E2F5: variants seen among roughly 807,000 people sequenced by gnomAD.
E2F5 encodes transcription factor E2F5.
In E2F5, 23 loss-of-function variants were observed where a neutral mutation model predicts 39.1. That is an observed-to-expected ratio of 0.59 (90% CI 0.42 to 0.83). The LOEUF (loss-of-function observed/expected upper bound fraction) is 0.83, where lower values mean the gene tolerates loss of function less well. Ranked by LOEUF, E2F5 falls within the 40% of genes least tolerant of loss-of-function variation. The pLI is 0.00. For missense variants in E2F5, 365 were observed against 406.7 expected, an observed-to-expected ratio of 0.90 and a Z score of 0.88; for synonymous variants, 145 against 157.8, an observed-to-expected ratio of 0.92 and a Z score of 0.61.
intron 1 of E2F5, among the ~76,000 whole-genome samples, chr8:85,199,618 G>T (rs1812650511): frequency 6.6e-6 from 1 of 152,090 alleles, no homozygotes; most frequent in Admixed American, 6.6e-5. Flanking sequence ...AGTTTTTAAA[G>T]AATTCACACA....
intron 4 of E2F5, 123 bp downstream of exon 4, chr8:85,206,343 T>C: frequency 1.1e-6 from 1 of 918,214 alleles, no homozygotes; most frequent in Non-Finnish European, 1.7e-6. Context: ...TGTGTCTCAC[T>C]CCACCATGCC....
intron 2 of E2F5, 30 bp from the exon 3 acceptor site, chr8:85,203,064 T>G (rs1264285797): frequency 1.4e-6 from 2 of 1,406,006 alleles, no homozygotes; most frequent in Non-Finnish European, 1.9e-6. Flanking sequence ...GATCTGATAC[T>G]GAGGATATTA....
At chr8:85,188,555 G>A (rs1016491535) in intron 1 of E2F5, among the ~76,000 whole-genome samples, 1 of 152,192 alleles carries the variant, frequency 6.6e-6, no homozygotes, top group Non-Finnish European at 1.5e-5. Context: ...CAGGAGTGGT[G>A]CAATCTGAAG....
intron 3 of E2F5, among the ~76,000 whole-genome samples, chr8:85,205,937 C>T (rs1026660926): frequency 3.3e-5 from 5 of 152,186 alleles, no homozygotes; most frequent in African/African-American, 4.8e-5. Context: ...GCACTGCTTT[C>T]CATCTCTCTC....
intron 1 of E2F5, among the ~76,000 whole-genome samples, chr8:85,186,915 G>GTA (rs959437782): frequency 1.3e-5 from 2 of 148,722 alleles, no homozygotes; most frequent in Non-Finnish European, 3.0e-5. Flanking sequence ...TATATGGTGT[G>GTA]TATATATATA....
chr8:85,200,290 C>G, intron 1 of E2F5: 2 of 956,438 alleles, frequency 2.1e-6, no homozygotes, highest in Non-Finnish European at 2.5e-6. Flanking sequence ...TAAAACCCTC[C>G]TGGAGATTCT....
chr8:85,185,764 A>G (rs1454538724), intron 1 of E2F5, among the ~76,000 whole-genome samples: 3 of 152,242 alleles, frequency 2.0e-5, no homozygotes, highest in African/African-American at 7.2e-5. Context: ...AAAAATGCTC[A>G]TCGTCACTGG....
At chr8:85,190,015 T>TA (rs1386757388) in intron 1 of E2F5, among the ~76,000 whole-genome samples, 1 of 152,158 alleles carries the variant, frequency 6.6e-6, no homozygotes, top group African/African-American at 2.4e-5. Flanking sequence ...ATATACAATT[T>TA]AAGAATTTAA....
intron 1 of E2F5, among the ~76,000 whole-genome samples, chr8:85,198,641 C>T (rs1812630193): frequency 6.6e-6 from 1 of 152,180 alleles, no homozygotes; most frequent in Admixed American, 6.5e-5. Flanking sequence ...TTCCAAGACC[C>T]CACACTTTCT....
In E2F5 at chr8:85,212,175, A is replaced by G. The variant is rs1304184342; in HGVS notation, c.902A>G (p.Asp301Gly). The change falls in exon 7 of 8, where the codon GAT becomes GGT. Residue 301 changes from aspartate to glycine, a missense_variant. Coordinates refer to ENST00000416274, the MANE Select transcript of E2F5 (RefSeq NM_001951.4). The stretch of plus-strand genomic sequence containing the variant: ...TTTCCAGCAGGATCTATTAGTGGAG[A>G]TATCATTGATGAGTTAATGTCTTCT... Reference protein sequence around the residue: ...DISSAGSISGDIIDELMSSDV... With the variant: ...DISSAGSISGGIIDELMSSDV... 1.9e-6 allele frequency: 3 copies of G among 1,611,246 alleles called. No individual in the cohort carries two copies. Among genetic ancestry groups the G allele is most frequent in the Non-Finnish European group, 8.5e-7 (1 of 1,178,288 alleles).
At chr8:85,193,109 A>AT (rs1010982081) in intron 1 of E2F5, among the ~76,000 whole-genome samples, 6 of 152,080 alleles carry the variant, frequency 3.9e-5, no homozygotes, top group Non-Finnish European at 7.4e-5. Context: ...GGGTATTCTA[A>AT]TTTTTTTTAT....
chr8:85,203,120 A>G lies in E2F5; in HGVS notation c.371A>G (p.Lys124Arg). The G allele has an allele frequency of 6.4e-7, 1 of 1,569,764 alleles. No individual in the cohort carries two copies. Among genetic ancestry groups the G allele is most frequent in the Admixed American group, 1.8e-5 (1 of 54,960 alleles). Residue 124 changes from lysine to arginine, a missense_variant, in exon 3 of 8, where the codon AAA becomes AGA. By Grantham distance (26) the Lys-to-Arg change is conservative (BLOSUM62 2). Transcript: ENST00000416274. ...WKGVGAGCNT[K>R]EVIDRLRYLK... The stretch of plus-strand genomic sequence containing the variant: ...GGTGTAGGTGCTGGCTGTAATACTA[A>G]AGAAGTCATAGATAGATTAAGATAT...
At chr8:85,179,814 C>T in intron 1 of E2F5, among the ~76,000 whole-genome samples, 1 of 151,844 alleles carries the variant, frequency 6.6e-6, no homozygotes, top group South Asian at 2.1e-4. Context: ...CGCCCGCCAG[C>T]GCACCCAGCT....
chr8:85,197,407 T>C (rs1812604573), intron 1 of E2F5, among the ~76,000 whole-genome samples: 1 of 152,212 alleles, frequency 6.6e-6, no homozygotes, highest in Non-Finnish European at 1.5e-5. Context: ...TGGACTCATT[T>C]GTTCAAATGA....
chr8:85,194,190 T>A (rs1812528930), intron 1 of E2F5, among the ~76,000 whole-genome samples: 1 of 152,178 alleles, frequency 6.6e-6, no homozygotes, highest in South Asian at 2.1e-4. Flanking sequence ...TTTGACATTT[T>A]GCTGTATATG....
At chr8:85,178,315 A>G (rs1812129376) in intron 1 of E2F5, among the ~76,000 whole-genome samples, 1 of 152,094 alleles carries the variant, frequency 6.6e-6, no homozygotes, top group African/African-American at 2.4e-5. Context: ...GGTTTCCAAA[A>G]GTGAGATCTG....
At chr8:85,184,242 A>G (rs988773817) in intron 1 of E2F5, among the ~76,000 whole-genome samples, 20 of 152,214 alleles carry the variant, frequency 1.3e-4, no homozygotes, top group Non-Finnish European at 2.6e-4. Context: ...TAAATCCATC[A>G]CATAAACAGA....
chr8:85,209,418 A>C lies in E2F5; in HGVS notation c.883+9A>C. On this transcript the variant is annotated intron_variant, in intron 6 of 7. Transcript: ENST00000416274. Reference sequence around the variant, plus strand: ...TACAGATATATCTTCAGGTGGGTTCAGAGCCTTTCTTTTGTAAATTAGAGA... The same window carrying C: ...TACAGATATATCTTCAGGTGGGTTCCGAGCCTTTCTTTTGTAAATTAGAGA... 9 of 1,588,824 alleles carry C rather than the reference A, an allele frequency of 5.7e-6. No homozygotes were observed. The highest frequency in any genetic ancestry group is 7.7e-6 in the Non-Finnish European group (9 of 1,167,036).
intron 1 of E2F5, among the ~76,000 whole-genome samples, chr8:85,196,721 A>G (rs4150917): frequency 6.6e-6 from 1 of 152,244 alleles, no homozygotes; most frequent in Admixed American, 6.5e-5. Flanking sequence ...CCAGTATAAC[A>G]GGGAGAACAC....
Sources: allele counts gnomAD v4.1 joint callset (sites outside exome capture counted in the v4.1 genomes callset), GRCh38; gene constraint gnomAD v4.1.1; transcripts MANE v1.5; gene names NCBI Gene and HGNC (gene_info 2026-07-23, HGNC 2026-07-21).